Variants in LPCAT2 observed in about 807,000 individuals in gnomAD.
LPCAT2 encodes the protein 1-AGP acyltransferase 11.
A neutral mutation model predicts 64.7 loss-of-function variants in LPCAT2; 58 were observed. The ratio of observed to expected loss-of-function variants is 0.90; its 90% CI spans 0.73 to 1.12. The LOEUF (loss-of-function observed/expected upper bound fraction) is 1.12. Among genes scored for constraint, LPCAT2 ranks in the 50% most tolerant of loss-of-function variants. The pLI, the probability that LPCAT2 is intolerant of heterozygous loss-of-function variation, is 0.00. For synonymous variants in LPCAT2, 252 were observed against 245.3 expected, an observed-to-expected ratio of 1.03 and a Z score of -0.26; for missense variants, 579 against 669.8, an observed-to-expected ratio of 0.86 and a Z score of 1.50.
At chr16:55,539,861 C>T (rs1963374826) in intron 8 of LPCAT2, 1 of 152,018 alleles carries the variant, frequency 6.6e-6, no homozygotes, top group Non-Finnish European at 1.5e-5. Context: ...GTTTTTAGAA[C>T]TTCTTGAATA....
chr16:55,556,129 G>A (rs1458291254), intron 11 of LPCAT2, among the ~76,000 whole-genome samples: 1 of 152,104 alleles, frequency 6.6e-6, no homozygotes, highest in Non-Finnish European at 1.5e-5. Context: ...TAGATGATTG[G>A]ATGTAACTGC....
At chr16:55,515,896 T>G (rs1165669169) in intron 1 of LPCAT2, among the ~76,000 whole-genome samples, 9 of 151,978 alleles carry the variant, frequency 5.9e-5, no homozygotes, top group African/African-American at 2.2e-4. Flanking sequence ...CACTAGAAAA[T>G]ATTTAACACA....
chr16:55,576,002 G>A (rs185248577), intron 12 of LPCAT2, among the ~76,000 whole-genome samples: 6 of 152,168 alleles, frequency 3.9e-5, no homozygotes, highest in Non-Finnish European at 7.4e-5. Flanking sequence ...GGGATTGTAC[G>A]TGTAATTATC....
intron 4 of LPCAT2, among the ~76,000 whole-genome samples, chr16:55,530,895 C>G (rs1487984898): frequency 1.4e-4 from 22 of 152,066 alleles, no homozygotes; most frequent in African/African-American, 4.6e-4. Context: ...CTAGAATTTT[C>G]AGGCATTGGC....
In LPCAT2 at chr16:55,556,760, G is replaced by T. The variant is rs140532389; in HGVS notation, c.1215+5658G>T. Among the ~76,000 whole-genome samples, 408 of 152,302 alleles carry T rather than the reference G, an allele frequency of 2.7e-3. 1 individual carries two copies. The highest frequency in any genetic ancestry group is 4.6e-3 in the Non-Finnish European group (311 of 68,014). On this transcript the variant is annotated intron_variant, in intron 11 of 13. Transcript: ENST00000262134. Reference sequence around the variant, plus strand: ...GAGACTCCGTCTCAAAAAAAAAAGAGAAAGAATTACTGTGACACCAGTTCT... The same window carrying T: ...GAGACTCCGTCTCAAAAAAAAAAGATAAAGAATTACTGTGACACCAGTTCT...
At chr16:55,542,295 C>G (rs926673647) in intron 8 of LPCAT2, among the ~76,000 whole-genome samples, 1 of 152,060 alleles carries the variant, frequency 6.6e-6, no homozygotes, top group Non-Finnish European at 1.5e-5. Context: ...TCATCTGGGA[C>G]AGGATGGTGC....
chr16:55,579,557 G>C (rs1963866894), intron 13 of LPCAT2, among the ~76,000 whole-genome samples: 1 of 151,972 alleles, frequency 6.6e-6, no homozygotes, highest in South Asian at 2.1e-4. Flanking sequence ...ACTTATCTAA[G>C]ACAATTTAGC....
At chr16:55,556,884 G>A (rs1382036006) in intron 11 of LPCAT2, 1 of 152,288 alleles carries the variant, frequency 6.6e-6, no homozygotes, top group African/African-American at 2.4e-5. Flanking sequence ...ATAAACCAAA[G>A]ATTAAAATAA....
At chr16:55,515,385 A>G (rs1039557383) in intron 1 of LPCAT2, among the ~76,000 whole-genome samples, 1 of 152,176 alleles carries the variant, frequency 6.6e-6, no homozygotes, top group Admixed American at 6.5e-5. Context: ...TTGTATAGCT[A>G]GAAAACTATC....
intron 8 of LPCAT2, chr16:55,545,462 C>T (rs1215207899): frequency 4.1e-5 from 11 of 269,536 alleles, no homozygotes; most frequent in African/African-American, 1.5e-4. Context: ...ACTTGTTTCA[C>T]CCTCACAATC....
chr16:55,564,649 A>G lies in LPCAT2; in HGVS notation c.1216-9982A>G, dbSNP rs555450978. Among the ~76,000 whole-genome samples, 64 of 152,168 alleles carry G rather than the reference A, an allele frequency of 4.2e-4. 1 individual carries two copies. The South Asian group carries it at 4.6e-3, about 11-fold the overall frequency. ...GGAAAATTATATATCCACATGCAAA[A>G]GAATGAAGTTGGACCCTTAACTTAC... is the stretch of plus-strand genomic sequence containing the variant. On this transcript the variant is annotated intron_variant, in intron 11 of 13. Coordinates refer to ENST00000262134, the MANE Select transcript of LPCAT2 (RefSeq NM_017839.5).
At position 55,586,026 on chromosome 16, in the gene LPCAT2, G is replaced by T. The variant is rs1963941586; in HGVS notation, c.*2928G>T. ...CTAACATGAATAGAAAGATACTGGT[G>T]CAAGACCATTCCCGGGAAAGTAGAC... On this transcript the variant is annotated 3_prime_UTR_variant, in exon 14 of 14. Transcript: ENST00000262134. 1 of 152,142 alleles carries T rather than the reference G, an allele frequency of 6.6e-6. No individual in the cohort carries two copies. The highest frequency in any genetic ancestry group is 1.5e-5 in the Non-Finnish European group (1 of 68,022). The allele number at this position is 152,142 out of a possible 1,614,324, so 9.4% of individuals were successfully genotyped here. A position where few individuals can be genotyped will look rare whatever the true frequency, so the allele number is the denominator to read the frequency against.
intron 11 of LPCAT2, chr16:55,567,094 A>T (rs1963709525): frequency 5.0e-6 from 8 of 1,613,708 alleles, no homozygotes; most frequent in Non-Finnish European, 5.9e-6. Context: ...AAGCACAAAG[A>T]TCTTAAGACT....
At chr16:55,541,679 C>A in intron 8 of LPCAT2, 1 of 289,694 alleles carries the variant, frequency 3.5e-6, no homozygotes, top group Non-Finnish European at 6.7e-6. Flanking sequence ...CCTGTATGTA[C>A]TTGAGAAAAT....
At chr16:55,578,087 T>C (rs1963848020) in intron 12 of LPCAT2, among the ~76,000 whole-genome samples, 1 of 152,306 alleles carries the variant, frequency 6.6e-6, no homozygotes, top group East Asian at 1.9e-4. Flanking sequence ...ATACATGCTC[T>C]GATTTCTTGG....
At chr16:55,558,340 A>G (rs1963599803) in intron 11 of LPCAT2, among the ~76,000 whole-genome samples, 1 of 152,270 alleles carries the variant, frequency 6.6e-6, no homozygotes, top group South Asian at 2.1e-4. Flanking sequence ...ATGTCCAAAC[A>G]GCATCATTGT....
chr16:55,549,474 T>A (rs1200791145), intron 10 of LPCAT2, 72 bp downstream of exon 10: 17 of 1,378,436 alleles, frequency 1.2e-5, no homozygotes, highest in African/African-American at 1.5e-5. Flanking sequence ...GTTTATTTTC[T>A]CCTGCTTTAT....
chr16:55,566,768 A>C, intron 11 of LPCAT2: 1 of 1,606,282 alleles, frequency 6.2e-7, no homozygotes, highest in Non-Finnish European at 8.5e-7. Flanking sequence ...TGTTTCTTGC[A>C]AAGGCTCTAT....
At chr16:55,576,805 G>T (rs1274338669) in intron 12 of LPCAT2, among the ~76,000 whole-genome samples, 5 of 152,162 alleles carry the variant, frequency 3.3e-5, no homozygotes, top group African/African-American at 1.2e-4. Flanking sequence ...TAGGAACTTT[G>T]TAGTGGGGAG....
Sources: gnomAD v4.1 joint callset for allele counts (sites outside exome capture counted in the v4.1 genomes callset) on GRCh38, gnomAD v4.1.1 for gene constraint, MANE v1.5 for transcripts, NCBI Gene and HGNC (gene_info 2026-07-23, HGNC 2026-07-21) for gene names.